AGBL1: variants seen among roughly 807,000 people sequenced by gnomAD.
AGBL1 encodes cytosolic carboxypeptidase 4.
Under a neutral mutation model 118.9 loss-of-function variants are expected in AGBL1, and 130 were observed. The observed-to-expected ratio is 1.09, with a 90% CI of 0.95 to 1.26. The LOEUF (loss-of-function observed/expected upper bound fraction) is 1.26, where lower values mean the gene tolerates loss of function less well. AGBL1 is among the 50% of genes most tolerant of loss of function. The probability of loss-of-function intolerance (pLI) is 0.00; values close to 1 mark genes in which losing one functional copy is unlikely to be tolerated. For synonymous variants in AGBL1, 555 were observed against 478.9 expected (o/e 1.16, Z -2.08); for missense variants, 1,584 against 1,298.1 (o/e 1.22, Z -3.38).
chr15:86,771,279 C>A (rs1046627030), intron 22 of AGBL1, among the ~76,000 whole-genome samples: 1 of 152,018 alleles, frequency 6.6e-6, no homozygotes, highest in African/African-American at 2.4e-5. Context: ...GCTACATTAT[C>A]CCTAATCCTT....
chr15:86,721,761 T>C (rs1330070179), intron 22 of AGBL1, among the ~76,000 whole-genome samples: 5 of 152,142 alleles, frequency 3.3e-5, no homozygotes, highest in South Asian at 2.1e-4. Context: ...AAAACCCCAT[T>C]GTCTCAGCCC....
At chr15:86,593,331 C>T (rs1274070986) in intron 21 of AGBL1, among the ~76,000 whole-genome samples, 1 of 151,308 alleles carries the variant, frequency 6.6e-6, no homozygotes, top group Non-Finnish European at 1.5e-5. Context: ...ACTTAGAAAC[C>T]AAGATCTGTG....
chr15:86,548,294 T>C (rs1280849637), intron 20 of AGBL1, among the ~76,000 whole-genome samples: 1 of 152,194 alleles, frequency 6.6e-6, no homozygotes, highest in African/African-American at 2.4e-5. Context: ...ACCATTAGTA[T>C]TGAAGAGACG....
At position 86,674,331 on chromosome 15, in the gene AGBL1, T is replaced by G. The variant is rs577431133; in HGVS notation, c.3053T>G (p.Leu1018Arg). 2 of 1,612,274 alleles carry G rather than the reference T, an allele frequency of 1.2e-6. No homozygotes were observed. The highest frequency in any genetic ancestry group is 2.2e-5 in the East Asian group (1 of 44,712). Residue 1018 changes from leucine to arginine, a missense_variant, in exon 22 of 23, where the codon CTC (leucine) becomes CGC (arginine). Leu to Arg is a moderately radical substitution (Grantham distance 102). Coordinates refer to ENST00000614907, the MANE Select transcript of AGBL1 (RefSeq NM_001386094.1). ...EEMGAMFCLG[L>R]LILELKSASC... ...ATGGGAGCCATGTTCTGTTTGGGCC[T>G]CCTCATCCTGGAGCTCAAATCTGCC...
At chr15:87,029,158 T>C (rs939141025), downstream of AGBL1, 5 of 239,622 alleles carry the variant, frequency 2.1e-5, no homozygotes, top group Non-Finnish European at 3.2e-5. Context: ...GTACTTCACA[T>C]AGATAGTCTT....
chr15:86,827,049 A>T (rs1391447018), intron 22 of AGBL1, among the ~76,000 whole-genome samples: 6 of 151,258 alleles, frequency 4.0e-5, no homozygotes, highest in Non-Finnish European at 7.4e-5. Flanking sequence ...ATGTCATTGC[A>T]AGTACATGTG....
At chr15:86,835,612 G>A (rs962554035) in intron 22 of AGBL1, among the ~76,000 whole-genome samples, 4 of 152,086 alleles carry the variant, frequency 2.6e-5, no homozygotes, top group Non-Finnish European at 5.9e-5. Flanking sequence ...GAAGTAGAAG[G>A]AAAAAAATTA....
At chr15:86,821,943 C>G (rs1020833402) in intron 22 of AGBL1, among the ~76,000 whole-genome samples, 1 of 152,162 alleles carries the variant, frequency 6.6e-6, no homozygotes, top group Non-Finnish European at 1.5e-5. Context: ...CCCACCTTAC[C>G]TCATACCTGT....
At chr15:86,903,499 T>C (rs2080240085) in intron 22 of AGBL1, among the ~76,000 whole-genome samples, 1 of 152,242 alleles carries the variant, frequency 6.6e-6, no homozygotes, top group Non-Finnish European at 1.5e-5. Context: ...TTTTAACAGC[T>C]GTATCATCTT....
intron 22 of AGBL1, among the ~76,000 whole-genome samples, chr15:86,860,824 A>G (rs2079549946): frequency 6.6e-6 from 1 of 152,076 alleles, no homozygotes; most frequent in Admixed American, 6.6e-5. Flanking sequence ...TACCACAGGG[A>G]AATCTATATT....
At chr15:86,400,402 C>G (rs1284840242) in intron 18 of AGBL1, among the ~76,000 whole-genome samples, 4 of 151,270 alleles carry the variant, frequency 2.6e-5, no homozygotes, top group African/African-American at 7.3e-5. Context: ...CTGGTTTTCT[C>G]TGGGTATATT....
intron 17 of AGBL1, among the ~76,000 whole-genome samples, chr15:86,340,049 A>C (rs1172574881): frequency 6.6e-6 from 1 of 152,056 alleles, no homozygotes; most frequent in Admixed American, 6.5e-5. Context: ...ATTTCTTCTG[A>C]AGCATTTTTA....
chr15:86,338,205 A>T (rs974006844), intron 17 of AGBL1, among the ~76,000 whole-genome samples: 2 of 152,166 alleles, frequency 1.3e-5, no homozygotes, highest in Non-Finnish European at 2.9e-5. Flanking sequence ...AGACTTGGAG[A>T]ACTCTTCTTG....
chr15:86,799,528 C>T (rs1308023159), intron 22 of AGBL1, among the ~76,000 whole-genome samples: 1 of 152,228 alleles, frequency 6.6e-6, no homozygotes, highest in South Asian at 2.1e-4. Context: ...AACACTCCTT[C>T]TCACTCATTT....
intron 22 of AGBL1, among the ~76,000 whole-genome samples, chr15:86,795,154 T>A (rs901778616): frequency 1.3e-5 from 2 of 152,226 alleles, no homozygotes; most frequent in Admixed American, 1.3e-4. Flanking sequence ...CCTGGCACTT[T>A]AGCTGCAATT....
chr15:86,538,150 C>T (rs1176094882), intron 19 of AGBL1, among the ~76,000 whole-genome samples: 1 of 152,146 alleles, frequency 6.6e-6, no homozygotes, highest in Admixed American at 6.5e-5. Flanking sequence ...AAATTTTTCT[C>T]CCCAAAGTGG....
chr15:86,224,739 G>A (rs559548828), intron 5 of AGBL1, among the ~76,000 whole-genome samples, 175 bp from the exon 6 acceptor site: 3 of 152,244 alleles, frequency 2.0e-5, no homozygotes, highest in Non-Finnish European at 4.4e-5. Flanking sequence ...TTCGCTCAGC[G>A]TTATTTCTGC....
intron 21 of AGBL1, among the ~76,000 whole-genome samples, chr15:86,594,311 T>G (rs1365040774): frequency 1.3e-5 from 2 of 152,142 alleles, no homozygotes; most frequent in Non-Finnish European, 2.9e-5. Flanking sequence ...TGCAAATATT[T>G]TGTTAAAGAT....
chr15:86,887,690 A>G (rs950337340), intron 22 of AGBL1, among the ~76,000 whole-genome samples: 7 of 152,160 alleles, frequency 4.6e-5, no homozygotes, highest in African/African-American at 1.7e-4. Flanking sequence ...ATTCCCTGAC[A>G]TTGTTCCATG....
Sources: allele counts gnomAD v4.1 joint callset (sites outside exome capture counted in the v4.1 genomes callset), GRCh38; gene constraint gnomAD v4.1.1; transcripts MANE v1.5; gene names NCBI Gene and HGNC (gene_info 2026-07-23, HGNC 2026-07-21).